SLC49A4: variants seen among roughly 807,000 people sequenced by gnomAD.
SLC49A4 encodes the protein solute carrier family 49 member 4, also known as disrupted in renal cancer protein 2.
Under a neutral mutation model 50.6 loss-of-function variants are expected in SLC49A4, and 36 were observed. That is an observed-to-expected ratio of 0.71 (90% CI 0.55 to 0.94). The LOEUF is 0.94. Among genes scored for constraint, SLC49A4 ranks in the 40% least tolerant of loss-of-function variants. The pLI, the probability that SLC49A4 is intolerant of heterozygous loss-of-function variation, is 0.00. For synonymous variants in SLC49A4, 248 were observed against 241.2 expected (o/e 1.03, Z -0.26); for missense variants, 503 against 605.7 (o/e 0.83, Z 1.78).
chr3:122,833,069 T>G (rs1363690458), intron 3 of SLC49A4, among the ~76,000 whole-genome samples: 1 of 152,006 alleles, frequency 6.6e-6, no homozygotes, highest in Non-Finnish European at 1.5e-5. Flanking sequence ...AGACCCTATC[T>G]CTACAAAAAT....
chr3:122,813,566 T>G (rs1311742220), intron 2 of SLC49A4, among the ~76,000 whole-genome samples: 3 of 152,220 alleles, frequency 2.0e-5, no homozygotes, highest in Non-Finnish European at 4.4e-5. Flanking sequence ...GATAGAATTT[T>G]CAAAGTAGAC....
intron 6 of SLC49A4, among the ~76,000 whole-genome samples, chr3:122,857,196 A>G (rs576516383): frequency 6.8e-6 from 1 of 147,986 alleles, no homozygotes; most frequent in South Asian, 2.2e-4. Context: ...GAAGACTTTC[A>G]GTTTCATCAC....
At chr3:122,870,356 TAAA>T (rs934948541) in intron 7 of SLC49A4, among the ~76,000 whole-genome samples, 1 of 150,270 alleles carries the variant, frequency 6.7e-6, no homozygotes. Context: ...AATTTTTATT[TAAA>T]AAAAAACTTT....
intron 5 of SLC49A4, among the ~76,000 whole-genome samples, chr3:122,851,001 T>C (rs2107576034): frequency 6.6e-6 from 1 of 152,290 alleles, no homozygotes; most frequent in East Asian, 1.9e-4. Flanking sequence ...TCTTTTACTG[T>C]TTAATGATTA....
intron 2 of SLC49A4, among the ~76,000 whole-genome samples, chr3:122,819,702 T>C (rs1267662951): frequency 6.6e-6 from 1 of 152,216 alleles, no homozygotes; most frequent in South Asian, 2.1e-4. Context: ...CTTTTTCCTG[T>C]AGTTAATTCA....
intron 2 of SLC49A4, among the ~76,000 whole-genome samples, chr3:122,812,372 T>C (rs2107559480): frequency 6.6e-6 from 1 of 152,324 alleles, no homozygotes; most frequent in African/African-American, 2.4e-5. Flanking sequence ...AGCATAGAAA[T>C]GTAAATCTTT....
At chr3:122,850,456 G>T (rs962602920) in intron 5 of SLC49A4, among the ~76,000 whole-genome samples, 1 of 151,996 alleles carries the variant, frequency 6.6e-6, no homozygotes. Flanking sequence ...CACCTCTGGC[G>T]AGTATTCTCA....
At chr3:122,829,424 G>A (rs1212023642) in intron 3 of SLC49A4, among the ~76,000 whole-genome samples, 1 of 152,184 alleles carries the variant, frequency 6.6e-6, no homozygotes, top group Non-Finnish European at 1.5e-5. Flanking sequence ...GGAATAGACA[G>A]GAACTCTCTC....
chr3:122,835,828 A>G (rs148943763), intron 4 of SLC49A4, among the ~76,000 whole-genome samples: 10 of 152,318 alleles, frequency 6.6e-5, no homozygotes, highest in East Asian at 1.9e-4. Context: ...CTGTTTGCCA[A>G]TGATATGATC....
intron 2 of SLC49A4, among the ~76,000 whole-genome samples, chr3:122,824,231 C>T (rs558344891): frequency 6.6e-6 from 1 of 152,338 alleles, no homozygotes; most frequent in South Asian, 2.1e-4. Context: ...TTAACTCTAA[C>T]TTATATGCCC....
At chr3:122,846,225 T>C (rs1051468285) in intron 5 of SLC49A4, among the ~76,000 whole-genome samples, 3 of 152,190 alleles carry the variant, frequency 2.0e-5, no homozygotes, top group African/African-American at 7.2e-5. Flanking sequence ...TCATCTAGTT[T>C]CTGACTTTCT....
intron 4 of SLC49A4, among the ~76,000 whole-genome samples, chr3:122,840,979 A>G (rs938042936): frequency 3.3e-5 from 5 of 152,214 alleles, no homozygotes; most frequent in Non-Finnish European, 5.9e-5. Flanking sequence ...AAATTTCCAT[A>G]GCTAAAAACA....
intron 6 of SLC49A4, among the ~76,000 whole-genome samples, chr3:122,856,576 C>T (rs182892949): frequency 1.1e-3 from 163 of 152,298 alleles, no homozygotes; most frequent in Non-Finnish European, 2.0e-3. Flanking sequence ...GTGGCTCACG[C>T]CTATAATCCT....
At chr3:122,869,426 TATA>T (rs2107583016) in intron 7 of SLC49A4, among the ~76,000 whole-genome samples, 1 of 152,342 alleles carries the variant, frequency 6.6e-6, no homozygotes, top group East Asian at 1.9e-4. Context: ...TTTTTAATTG[TATA>T]ATATTTCTTT....
chr3:122,819,527 A>C, intron 2 of SLC49A4, among the ~76,000 whole-genome samples: 1 of 152,156 alleles, frequency 6.6e-6, no homozygotes, highest in East Asian at 1.9e-4. Context: ...TGACCATAGC[A>C]GATACTCAAT....
At chr3:122,867,027 T>C (rs1937130004) in intron 7 of SLC49A4, among the ~76,000 whole-genome samples, 1 of 152,358 alleles carries the variant, frequency 6.6e-6, no homozygotes, top group East Asian at 1.9e-4. Context: ...GAGTGTGTTT[T>C]ATTTACTGCT....
chr3:122,853,762 TCA>T (rs897721010), intron 5 of SLC49A4, among the ~76,000 whole-genome samples: 2 of 152,054 alleles, frequency 1.3e-5, no homozygotes, highest in African/African-American at 4.8e-5. Flanking sequence ...CCCATGTCAC[TCA>T]CACAAAAAAT....
intron 2 of SLC49A4, among the ~76,000 whole-genome samples, chr3:122,820,132 G>A (rs1045058481): frequency 6.6e-6 from 1 of 152,152 alleles, no homozygotes; most frequent in Non-Finnish European, 1.5e-5. Context: ...ATTCTGTACT[G>A]TGTGCCTTTG....
chr3:122,868,973 G>A (rs770074209), intron 7 of SLC49A4, among the ~76,000 whole-genome samples: 45 of 152,166 alleles, frequency 3.0e-4, no homozygotes, highest in Admixed American at 1.6e-3. Flanking sequence ...AGGATCCTGC[G>A]CCAAGGCTGT....
Sources: gnomAD v4.1 joint callset for allele counts (sites outside exome capture counted in the v4.1 genomes callset) on GRCh38, gnomAD v4.1.1 for gene constraint, MANE v1.5 for transcripts, NCBI Gene and HGNC (gene_info 2026-07-23, HGNC 2026-07-21) for gene names.